Variants in ENOX1 observed in about 807,000 individuals in gnomAD.
ENOX1 encodes the protein candidate growth-related and time keeping constitutive hydroquinone (NADH) oxidase.
ENOX1 carries 42 observed loss-of-function variants against 82.5 expected under a neutral mutation model. The observed-to-expected ratio is 0.51, with a 90% confidence interval of 0.40 to 0.66. The LOEUF (loss-of-function observed/expected upper bound fraction) is 0.66. Among genes scored for constraint, ENOX1 ranks in the 30% least tolerant of loss-of-function variants. The pLI is 0.00. For missense variants in ENOX1, 608 were observed against 811.6 expected, an observed-to-expected ratio of 0.75 and a Z score of 3.05; for synonymous variants, 271 against 282.2, an observed-to-expected ratio of 0.96 and a Z score of 0.40.
intron 9 of ENOX1, among the ~76,000 whole-genome samples, chr13:43,331,914 G>A (rs2048429287): frequency 6.6e-6 from 1 of 152,154 alleles, no homozygotes; most frequent in Non-Finnish European, 1.5e-5. Context: ...CAGTCAGCCT[G>A]GCAGAAAGCC....
At chr13:43,690,715 T>C (rs2086314715) in intron 1 of ENOX1, among the ~76,000 whole-genome samples, 1 of 152,220 alleles carries the variant, frequency 6.6e-6, no homozygotes, top group Non-Finnish European at 1.5e-5. Flanking sequence ...GTCTTTCTTA[T>C]TGCTACTTTT....
chr13:43,615,265 C>T (rs1420729635), intron 2 of ENOX1, among the ~76,000 whole-genome samples: 1 of 152,052 alleles, frequency 6.6e-6, no homozygotes, highest in Non-Finnish European at 1.5e-5. Flanking sequence ...TGCATAAGAG[C>T]TTTAAATTGT....
chr13:43,477,158 T>C (rs2153652805), intron 3 of ENOX1, among the ~76,000 whole-genome samples: 1 of 143,058 alleles, frequency 7.0e-6, no homozygotes, highest in South Asian at 2.1e-4. Context: ...TATACATATA[T>C]ATACACATAC....
intron 2 of ENOX1, among the ~76,000 whole-genome samples, chr13:43,533,855 T>C (rs1236490820): frequency 2.0e-5 from 3 of 152,162 alleles, no homozygotes; most frequent in African/African-American, 4.8e-5. Context: ...GGAATTTTCA[T>C]TGTTATGGAG....
intron 2 of ENOX1, among the ~76,000 whole-genome samples, chr13:43,647,255 G>A (rs576709080): frequency 5.3e-5 from 8 of 152,202 alleles, no homozygotes; most frequent in Admixed American, 2.6e-4. Flanking sequence ...GTCATCATGT[G>A]TAAAATGGGG....
chr13:43,364,753 G>C (rs377679202), intron 5 of ENOX1, among the ~76,000 whole-genome samples: 9 of 152,308 alleles, frequency 5.9e-5, no homozygotes, highest in African/African-American at 2.2e-4. Flanking sequence ...TGGAGTTACA[G>C]AGGTAACAGT....
chr13:43,518,667 T>C (rs1284568987), intron 2 of ENOX1, among the ~76,000 whole-genome samples: 1 of 152,134 alleles, frequency 6.6e-6, no homozygotes, highest in Non-Finnish European at 1.5e-5. Flanking sequence ...TAAACTCCAT[T>C]TAACCATTGT....
At chr13:43,337,815 C>T (rs577865954) in intron 9 of ENOX1, among the ~76,000 whole-genome samples, 3 of 152,168 alleles carry the variant, frequency 2.0e-5, no homozygotes, top group Admixed American at 1.3e-4. Flanking sequence ...TCTAAACTGC[C>T]CATAAACTAC....
At chr13:43,552,845 A>G (rs893100361) in intron 2 of ENOX1, among the ~76,000 whole-genome samples, 1 of 152,208 alleles carries the variant, frequency 6.6e-6, no homozygotes, top group Non-Finnish European at 1.5e-5. Flanking sequence ...AGCAAATAGC[A>G]TATCATTTTC....
intron 3 of ENOX1, among the ~76,000 whole-genome samples, chr13:43,483,148 T>C (rs1185966808): frequency 6.6e-6 from 1 of 152,230 alleles, no homozygotes; most frequent in Non-Finnish European, 1.5e-5. Flanking sequence ...TAAATGCCTA[T>C]GGGAAAAGAT....
intron 1 of ENOX1, among the ~76,000 whole-genome samples, chr13:43,703,859 T>C (rs1013328385): frequency 2.6e-5 from 4 of 151,990 alleles, no homozygotes; most frequent in African/African-American, 9.7e-5. Flanking sequence ...ACATTATATA[T>C]ATATTTTTTT....
At chr13:43,306,528 G>A (rs1006306613) in intron 11 of ENOX1, among the ~76,000 whole-genome samples, 7 of 152,100 alleles carry the variant, frequency 4.6e-5, no homozygotes, top group East Asian at 1.9e-4. Flanking sequence ...CCCCTCCCCT[G>A]CAGACAGTGC....
At chr13:43,445,043 T>C (rs577116983) in intron 3 of ENOX1, among the ~76,000 whole-genome samples, 2 of 152,262 alleles carry the variant, frequency 1.3e-5, no homozygotes, top group African/African-American at 2.4e-5. Flanking sequence ...ACTGGACTCT[T>C]TTCCTGGCTG....
At chr13:43,610,854 C>A (rs924667785) in intron 2 of ENOX1, among the ~76,000 whole-genome samples, 2 of 151,872 alleles carry the variant, frequency 1.3e-5, no homozygotes, top group African/African-American at 4.8e-5. Context: ...AATAAAATTG[C>A]TCATTGCCAA....
chr13:43,755,533 T>C (rs1166364793), intron 1 of ENOX1, among the ~76,000 whole-genome samples: 1 of 152,176 alleles, frequency 6.6e-6, no homozygotes, highest in Non-Finnish European at 1.5e-5. Flanking sequence ...ATTTCTTTCC[T>C]ATAAAAAATC....
chr13:43,326,340 C>T, intron 10 of ENOX1, 79 bp downstream of exon 10: 1 of 1,230,228 alleles, frequency 8.1e-7, no homozygotes, highest in African/African-American at 1.5e-5. Context: ...TAACAGAAAC[C>T]ATCATGGCTG....
intron 14 of ENOX1, 65 bp downstream of exon 14, chr13:43,265,333 C>T: frequency 7.3e-7 from 1 of 1,370,826 alleles, no homozygotes; most frequent in Non-Finnish European, 1.0e-6. Flanking sequence ...AGATAAAGTG[C>T]TACATCCCCA....
At chr13:43,288,997 G>C (rs1328806677) in intron 12 of ENOX1, among the ~76,000 whole-genome samples, 2 of 152,042 alleles carry the variant, frequency 1.3e-5, no homozygotes, top group African/African-American at 4.8e-5. Flanking sequence ...AAATACCTAG[G>C]AATACAGCTA....
intron 1 of ENOX1, among the ~76,000 whole-genome samples, chr13:43,740,863 T>C (rs983808042): frequency 6.6e-6 from 1 of 152,234 alleles, no homozygotes; most frequent in Non-Finnish European, 1.5e-5. Context: ...TGTCTAGCTA[T>C]ATCACATTTT....
Sources: gnomAD v4.1 joint callset for allele counts (sites outside exome capture counted in the v4.1 genomes callset) on GRCh38, gnomAD v4.1.1 for gene constraint, MANE v1.5 for transcripts, NCBI Gene and HGNC (gene_info 2026-07-23, HGNC 2026-07-21) for gene names.